MYO16: variants seen among roughly 807,000 people sequenced by gnomAD.
MYO16 encodes myosin XVI.
A neutral mutation model predicts 205.3 loss-of-function variants in MYO16; 94 were observed. The ratio of observed to expected loss-of-function variants is 0.46; its 90% confidence interval spans 0.39 to 0.54. MYO16 has a LOEUF of 0.54. Among genes scored for constraint, MYO16 ranks in the 20% least tolerant of loss-of-function variants. MYO16 has a pLI of 0.00. For missense variants in MYO16, 2,315 were observed against 2,387.5 expected (o/e 0.97, Z 0.63); for synonymous variants, 988 against 954.0 (o/e 1.04, Z -0.66).
chr13:108,721,197 A>G (rs1211677273), intron 3 of MYO16, among the ~76,000 whole-genome samples: 4 of 152,206 alleles, frequency 2.6e-5, no homozygotes, highest in Non-Finnish European at 5.9e-5. Flanking sequence ...GCTGTGTTGA[A>G]AAGATTTGTT....
chr13:109,141,156 C>A lies in MYO16; in HGVS notation c.4944C>A (p.Ala1648=). The A allele has an allele frequency of 6.2e-7, 1 of 1,604,824 alleles. No homozygotes were observed. Among genetic ancestry groups the A allele is most frequent in the Non-Finnish European group, 8.5e-7 (1 of 1,175,700 alleles). ...CAAAGCCAAACTCTGCCCCCGTGGC[C>A]GGGCCCTGCAGCTCCTTCCCCAAGA... ...VHPKPNSAPV[A]GPCSSFPKIP... The change falls in exon 32 of 35, where the codon GCC becomes GCA. Residue 1648 remains alanine, a synonymous_variant. Coordinates refer to ENST00000457511, the MANE Select transcript of MYO16 (RefSeq NM_001198950.3). This position sits in a 1 kb window ranked among gnomAD's most constrained non-coding sequence, Gnocchi z 4.1.
upstream of MYO16, among the ~76,000 whole-genome samples, chr13:108,592,306 G>T (rs1878421970): frequency 8.6e-6 from 1 of 116,272 alleles, no homozygotes; most frequent in Non-Finnish European, 1.8e-5. Context: ...GTGTCCGGGA[G>T]TTGTAGGGGG....
At chr13:108,573,560 G>A in the MYO16 span, among the ~76,000 whole-genome samples, 2 of 152,142 alleles carry the variant, frequency 1.3e-5, no homozygotes, top group Non-Finnish European at 2.9e-5. Context: ...AGAGACCAGG[G>A]ATAGACTGGT....
At chr13:108,587,228 T>C in the MYO16 span, among the ~76,000 whole-genome samples, 1 of 152,218 alleles carries the variant, frequency 6.6e-6, no homozygotes, top group Non-Finnish European at 1.5e-5. Flanking sequence ...ATTATGACCA[T>C]GACTGTGAGG....
At chr13:109,089,916 C>T (rs1022352577) in intron 27 of MYO16, among the ~76,000 whole-genome samples, 1 of 152,212 alleles carries the variant, frequency 6.6e-6, no homozygotes, top group African/African-American at 2.4e-5. Context: ...AAGTCCCTTA[C>T]CATACCAGTG....
In MYO16 at chr13:108,964,670, G is replaced by T. The variant is rs187204050; in HGVS notation, c.2228-91G>T. 1.3e-3 allele frequency: 1,702 copies of T among 1,319,444 alleles called. 6 individuals carry two copies. Among genetic ancestry groups the T allele is most frequent in the Middle Eastern group, 1.7e-3 (9 of 5,262 alleles). 81.7% of individuals were successfully genotyped at this position (1,319,444 alleles called of 1,614,324 possible). ...TATACATCACTTGTCTTGTGGATGT[G>T]TGGGGAATTAATAGGATATGTGGAG... is the stretch of plus-strand genomic sequence containing the variant. On this transcript the variant is annotated intron_variant, in intron 19 of 34. Transcript: ENST00000457511.
chr13:108,594,465 A>G (rs368919952), upstream of MYO16, among the ~76,000 whole-genome samples: 28 of 152,174 alleles, frequency 1.8e-4, no homozygotes, highest in African/African-American at 6.5e-4. Context: ...TTCTTTCCCT[A>G]ATAAGTCTTT....
At chr13:109,117,526 TAC>T (rs1296325198) in intron 28 of MYO16, among the ~76,000 whole-genome samples, 1 of 148,680 alleles carries the variant, frequency 6.7e-6, no homozygotes, top group Non-Finnish European at 1.5e-5. Context: ...TATATATATA[TAC>T]ACACACATAT....
Position 108,844,473 on chromosome 13 carries a change from G to A in MYO16, c.1228G>A (p.Gly410Ser), listed in dbSNP as rs771164441. ...CATCCCTGAAAACCCCATGATGAGCGGTTCCACCAAACCCGAGCAGGTAAT... is the reference window on the plus strand; with the variant it reads ...CATCCCTGAAAACCCCATGATGAGCAGTTCCACCAAACCCGAGCAGGTAAT... Reference protein sequence around the residue: ...DSIPENPMMSGSTKPEQVKLM... With the variant: ...DSIPENPMMSSSTKPEQVKLM... Residue 410 changes from glycine to serine, a missense_variant, in exon 10 of 35, where the codon GGT becomes AGT. Physicochemically the swap from Gly to Ser is moderately conservative, Grantham distance 56. Transcript: ENST00000457511. 6.2e-6 allele frequency: 10 copies of A among 1,609,644 alleles called. No homozygotes were observed. The highest frequency in any genetic ancestry group is 2.7e-5 in the African/African-American group (2 of 74,820).
intron 1 of MYO16, among the ~76,000 whole-genome samples, chr13:108,606,098 A>G (rs1878947908): frequency 6.6e-6 from 1 of 152,214 alleles, no homozygotes; most frequent in Non-Finnish European, 1.5e-5. Flanking sequence ...TGAACTTGAG[A>G]GAGATTGTCT....
At position 109,203,608 on chromosome 13, in the gene MYO16, G is replaced by T. The variant is rs1417975557; in HGVS notation, c.5416-3001G>T. 5.9e-5 allele frequency among the ~76,000 whole-genome samples: 9 copies of T among 152,226 alleles called. No homozygotes were observed. The South Asian group carries it at 1.9e-3, about 32-fold the overall frequency. ...ATCCGCCTTTGCCTTTCATTGCGAG[G>T]TCTTTGTTCCTCAGCCCTGAAAGAT... On this transcript the variant is annotated intron_variant, in intron 34 of 34. Coordinates refer to ENST00000457511, the MANE Select transcript of MYO16 (RefSeq NM_001198950.3).
chr13:108,500,731 A>G, the MYO16 span, among the ~76,000 whole-genome samples: 4 of 152,298 alleles, frequency 2.6e-5, no homozygotes, highest in South Asian at 2.1e-4. Context: ...ACCAGGCCCT[A>G]ATTCATCTTC....
At chr13:109,043,380 A>G (rs760828071) in intron 23 of MYO16, among the ~76,000 whole-genome samples, 1 of 152,082 alleles carries the variant, frequency 6.6e-6, no homozygotes, top group Non-Finnish European at 1.5e-5. Flanking sequence ...TGAAACTCTG[A>G]TGGTCCAGTT....
In MYO16 at chr13:108,898,001, TCTC is replaced by T. The variant is rs755094198; in HGVS notation, c.1660-11_1660-9del. 7 of 1,571,680 alleles carry T rather than the reference TCTC, an allele frequency of 4.5e-6. No homozygotes were observed. In the African/African-American group the frequency reaches 6.8e-5, roughly 15 times the overall value. ...AAATATGAGCAGTTCAGTAAAATGT[TCTC>T]CTCTCCCACAGGTCGTGTGCATCTT... On this transcript the variant is annotated splice_polypyrimidine_tract_variant and intron_variant, in intron 14 of 34. Coordinates refer to ENST00000457511, the MANE Select transcript of MYO16 (RefSeq NM_001198950.3).
chr13:108,719,932 G>C (rs1475959587), intron 3 of MYO16, among the ~76,000 whole-genome samples: 2 of 152,272 alleles, frequency 1.3e-5, no homozygotes, highest in South Asian at 4.1e-4. Flanking sequence ...CAGCAAACCA[G>C]TGCTGCTGAT....
intron 34 of MYO16, among the ~76,000 whole-genome samples, chr13:109,192,545 A>T (rs950255278): frequency 6.6e-6 from 1 of 152,158 alleles, no homozygotes; most frequent in African/African-American, 2.4e-5. Flanking sequence ...ACAAAGCTAA[A>T]CTATGTGTCC....
At chr13:108,720,846 T>G (rs1884136090) in intron 3 of MYO16, among the ~76,000 whole-genome samples, 1 of 152,200 alleles carries the variant, frequency 6.6e-6, no homozygotes, top group African/African-American at 2.4e-5. Context: ...AGAATTTGAT[T>G]TGAATCTTCA....
At position 109,045,538 on chromosome 13, in the gene MYO16, G is replaced by A. The variant is rs1160278388; in HGVS notation, c.2797-1378G>A. ...TACCTGAAAGTAGTTTAAGATTTTGGCATTGTCCCCCAGCTCAACTGATCT... is the reference window on the plus strand; with the variant it reads ...TACCTGAAAGTAGTTTAAGATTTTGACATTGTCCCCCAGCTCAACTGATCT... On this transcript the variant is annotated intron_variant, in intron 23 of 34. Transcript: ENST00000457511. 2.0e-5 allele frequency among the ~76,000 whole-genome samples: 3 copies of A among 152,136 alleles called. No individual in the cohort carries two copies. The East Asian group carries it at 5.8e-4, about 29-fold the overall frequency.
chr13:108,882,943 A>G (rs1433390749), intron 12 of MYO16, 116 bp from the exon 13 acceptor site: 1 of 1,370,668 alleles, frequency 7.3e-7, no homozygotes, highest in South Asian at 1.5e-5. Context: ...AATGAGATTC[A>G]GAATTAGGGA....
Sources: allele counts gnomAD v4.1 joint callset (sites outside exome capture counted in the v4.1 genomes callset), GRCh38; gene constraint gnomAD v4.1.1; non-coding constraint Gnocchi (gnomAD v3.1); transcripts MANE v1.5; gene names NCBI Gene and HGNC (gene_info 2026-07-23, HGNC 2026-07-21).